RNPEP: variants seen among roughly 807,000 people sequenced by gnomAD.
RNPEP encodes the protein aminopeptidase B.
RNPEP carries 57 observed loss-of-function variants against 70.1 expected under a neutral mutation model. That is an observed-to-expected ratio of 0.81 (90% confidence interval 0.66 to 1.01). The LOEUF is 1.01. Among genes scored for constraint, RNPEP ranks in the 50% least tolerant of loss-of-function variants. RNPEP has a pLI of 0.00. For synonymous variants in RNPEP, 335 were observed against 357.4 expected (o/e 0.94, Z 0.71); for missense variants, 787 against 852.4 (o/e 0.92, Z 0.96).
Position 201,988,897 on chromosome 1 carries a change from C to A in RNPEP, c.448-7C>A, listed in dbSNP as rs567070383. The stretch of plus-strand genomic sequence containing the variant: ...GTCAGTTCTGAAATGTTCTTCTTTT[C>A]GCTTAGGTTTGCTGGTTGGCTCCCG... On this transcript the variant is annotated splice_polypyrimidine_tract_variant and splice_region_variant and intron_variant, in intron 1 of 10. Coordinates refer to ENST00000295640, the MANE Select transcript of RNPEP (RefSeq NM_020216.4). The A allele has an allele frequency of 6.2e-7, 1 of 1,606,126 alleles. No individual in the cohort carries two copies. Among genetic ancestry groups the A allele is most frequent in the South Asian group, 1.1e-5 (1 of 89,918 alleles).
intron 1 of RNPEP, chr1:201,984,009 C>A: frequency 5.9e-6 from 2 of 338,334 alleles, no homozygotes; most frequent in Non-Finnish European, 8.4e-6. Flanking sequence ...CGGCTCACTG[C>A]AACCTCTGCG....
intron 1 of RNPEP, among the ~76,000 whole-genome samples, chr1:201,985,479 ACTC>A (rs1683100652): frequency 6.6e-6 from 1 of 151,294 alleles, no homozygotes; most frequent in East Asian, 1.9e-4. Flanking sequence ...CTGGTCTTGA[ACTC>A]CTGGGTTCAA....
At position 202,005,943 on chromosome 1, in the gene RNPEP, C is replaced by T. The variant is rs1280497719; in HGVS notation, c.*227C>T. 2.0e-5 allele frequency: 11 copies of T among 548,786 alleles called. No individual in the cohort carries two copies. Among genetic ancestry groups the T allele is most frequent in the East Asian group, 2.9e-5 (1 of 34,030 alleles). 34.0% of individuals were successfully genotyped at this position (548,786 alleles called of 1,614,324 possible). A position where few individuals can be genotyped will look rare whatever the true frequency, so the allele number is the denominator to read the frequency against. On this transcript the variant is annotated 3_prime_UTR_variant, in exon 11 of 11. Transcript: ENST00000295640. Reference sequence around the variant, plus strand: ...CAGAGAACCTGCCCACAGCTCTCCCCGCTACAGGCTGCAGGCACTGCAGGG... The same window carrying T: ...CAGAGAACCTGCCCACAGCTCTCCCTGCTACAGGCTGCAGGCACTGCAGGG...
chr1:201,983,057 C>T lies in RNPEP; in HGVS notation c.391C>T (p.Arg131Cys). ...GTGCGTGTCCTTCCCGCAGCCCTGC[C>T]GCGCCGCCGAGCGCCTCCAGGTGCT... The part of the protein sequence containing the change: ...ALCVSFPQPC[R>C]AAERLQVLLT... The change falls in exon 1 of 11, where the codon CGC (arginine) becomes TGC (cysteine). Residue 131 changes from arginine to cysteine, a missense_variant. Transcript: ENST00000295640. 1.3e-6 allele frequency: 2 copies of T among 1,527,894 alleles called. No homozygotes were observed. The highest frequency in any genetic ancestry group is 1.8e-6 in the Non-Finnish European group (2 of 1,142,534). 94.6% of individuals were successfully genotyped at this position (1,527,894 alleles called of 1,614,324 possible).
intron 3 of RNPEP, among the ~76,000 whole-genome samples, chr1:201,995,067 T>C (rs1683496779): frequency 6.6e-6 from 1 of 151,642 alleles, no homozygotes; most frequent in South Asian, 2.1e-4. Context: ...GCAGGATCCC[T>C]GAGTCCATTG....
Position 201,982,828 on chromosome 1 carries a change from A to T in RNPEP, c.162A>T (p.Ala54=). ...AGTTCGGGCCTCCAGGGCCCGGCGC[A>T]GGGAGCCGGGGGCTGAGCGGCACCG... ...RAEFGPPGPG[A]GSRGLSGTAV... Residue 54 remains alanine, a synonymous_variant, in exon 1 of 11, where the codon GCA becomes GCT. Transcript: ENST00000295640. 1 of 1,333,732 alleles carries T rather than the reference A, an allele frequency of 7.5e-7. No individual in the cohort carries two copies. Among genetic ancestry groups the T allele is most frequent in the Non-Finnish European group, 9.6e-7 (1 of 1,042,452 alleles). 82.6% of individuals were successfully genotyped at this position (1,333,732 alleles called of 1,614,324 possible).
chr1:202,005,644 A>G lies in RNPEP; in HGVS notation c.1881A>G (p.Ala627=). ...VAQTLAKETF[A]STASQLHSNV... is the part of the protein sequence containing the mutation. The stretch of plus-strand genomic sequence containing the variant: ...AGACCCTCGCCAAGGAGACTTTTGC[A>G]TCCACCGCCTCCCAGCTCCACAGCA... The change falls in exon 11 of 11, where the codon GCA becomes GCG. Residue 627 remains alanine (A), a synonymous_variant. Transcript: ENST00000295640. The G allele has an allele frequency of 6.2e-7, 1 of 1,614,192 alleles. No individual in the cohort carries two copies. Among genetic ancestry groups the G allele is most frequent in the Non-Finnish European group, 8.5e-7 (1 of 1,180,026 alleles).
rs1682975370 is a variant in RNPEP, at chr1:201,982,658, T to C, written c.-9T>C. 1.5e-6 allele frequency: 2 copies of C among 1,332,466 alleles called. No homozygotes were observed. Among genetic ancestry groups the C allele is most frequent in the Admixed American group, 3.6e-5 (1 of 27,570 alleles). The allele number at this position is 1,332,466 out of a possible 1,614,324, so 82.5% of individuals were successfully genotyped here. Reference sequence around the variant, plus strand: ...CGCGGCCCGGCCGGTGAGCAACGGCTCTGCGGCCATGGCGAGCGGCGAGCA... The same window carrying C: ...CGCGGCCCGGCCGGTGAGCAACGGCCCTGCGGCCATGGCGAGCGGCGAGCA... On this transcript the variant is annotated 5_prime_UTR_variant, in exon 1 of 11. Transcript: ENST00000295640.
At chr1:201,997,844 A>G (rs1448379300) in intron 5 of RNPEP, among the ~76,000 whole-genome samples, 1 of 149,192 alleles carries the variant, frequency 6.7e-6, no homozygotes, top group Admixed American at 6.8e-5. Flanking sequence ...GCTCACTGCA[A>G]CCTCCACCTC....
intron 3 of RNPEP, among the ~76,000 whole-genome samples, chr1:201,992,645 C>G (rs61821530): frequency 0.091 from 13,878 of 152,070 alleles, 770 homozygotes; most frequent in Middle Eastern, 0.17. Context: ...CTCCCTGGCC[C>G]AAGTGTGTGG....
chr1:202,001,764 C>CTCCCGTCTCCCTCTCCCT lies in RNPEP; in HGVS notation c.1423_1424insTCCCGTCTCCCTCTCCCT (p.Pro475delinsLeuProSerProSerProSer). On this transcript the variant is annotated protein_altering_variant, in exon 8 of 11. Coordinates refer to ENST00000295640, the MANE Select transcript of RNPEP (RefSeq NM_020216.4). Reference sequence around the variant, plus strand: ...TAAGAAAAAGAGAGTGGATATCATTCCAGGTAAGCAGAGGAACTGGCCCAC... The same window carrying CTCCCGTCTCCCTCTCCCT: ...TAAGAAAAAGAGAGTGGATATCATTCTCCCGTCTCCCTCTCCCTCAGGTAAGCAGAGGAACTGGCCCAC... The CTCCCGTCTCCCTCTCCCT allele has an allele frequency of 6.4e-7, 1 of 1,568,534 alleles. No individual in the cohort carries two copies. The highest frequency in any genetic ancestry group is 1.7e-5 in the Admixed American group (1 of 59,922).
intron 3 of RNPEP, among the ~76,000 whole-genome samples, chr1:201,991,521 A>C (rs952860221): frequency 1.3e-5 from 2 of 152,214 alleles, no homozygotes; most frequent in African/African-American, 2.4e-5. Flanking sequence ...GGTATATCCC[A>C]GTAGGCCCTT....
intron 3 of RNPEP, among the ~76,000 whole-genome samples, chr1:201,993,520 G>T (rs532661777): frequency 1.3e-5 from 2 of 151,804 alleles, no homozygotes; most frequent in African/African-American, 4.8e-5. Context: ...TCACTTGAAC[G>T]TGGGAGGTGG....
At position 202,001,498 on chromosome 1, in the gene RNPEP, C is replaced by CT; in HGVS notation, c.1317+10_1317+11insT. 1 of 1,584,944 alleles carries CT rather than the reference C, an allele frequency of 6.3e-7. No individual in the cohort carries two copies. Among genetic ancestry groups the CT allele is most frequent in the Non-Finnish European group, 8.7e-7 (1 of 1,153,480 alleles). ...TGACAGTTTTCTCAAGGTATAGTCA[C>CT]ATGAGGGGAGAAGGAAGAGGAGCGG... On this transcript the variant is annotated intron_variant, in intron 7 of 10. Transcript: ENST00000295640.
At position 202,005,751 on chromosome 1, in the gene RNPEP, C is replaced by T. The variant is rs771862557; in HGVS notation, c.*35C>T. ...TGCATGGCCCCTGCCTCTTCAGGCT[C>T]TCCAGGCTTTCAGAATAATTGTTTG... On this transcript the variant is annotated 3_prime_UTR_variant, in exon 11 of 11. Coordinates refer to ENST00000295640, the MANE Select transcript of RNPEP (RefSeq NM_020216.4). The T allele has an allele frequency of 1.2e-6, 2 of 1,607,124 alleles. No homozygotes were observed. Among genetic ancestry groups the T allele is most frequent in the Non-Finnish European group, 1.7e-6 (2 of 1,174,288 alleles).
intron 6 of RNPEP, 179 bp downstream of exon 6, chr1:202,000,194 C>T: frequency 1.8e-6 from 1 of 548,784 alleles, no homozygotes; most frequent in Non-Finnish European, 3.3e-6. Flanking sequence ...CAAGCCATTG[C>T]AGCCAGATAG....
rs534088969 is a variant in RNPEP at position 201,983,539 on chromosome 1, A to G, written c.447+426A>G. On this transcript the variant is annotated intron_variant, in intron 1 of 10. Transcript: ENST00000295640. Reference sequence around the variant, plus strand: ...GAGGTACCTGATTATCAGCCACCTTATCTCTGCTTTATGGTGGCTCTAGAA... The same window carrying G: ...GAGGTACCTGATTATCAGCCACCTTGTCTCTGCTTTATGGTGGCTCTAGAA... 9.6e-4 allele frequency: 1,264 copies of G among 1,316,228 alleles called. 2 individuals are homozygous for G. The highest frequency in any genetic ancestry group is 1.6e-3 in the Admixed American group (69 of 43,854). 81.5% of individuals were successfully genotyped at this position (1,316,228 alleles called of 1,614,324 possible). A position where few individuals can be genotyped will look rare whatever the true frequency, so the allele number is the denominator to read the frequency against.
chr1:201,997,193 G>A (rs1381394833), intron 4 of RNPEP, 126 bp from the exon 5 acceptor site: 21 of 735,820 alleles, frequency 2.9e-5, no homozygotes, highest in East Asian at 7.4e-5. Context: ...CACTGGGCCC[G>A]AAGTCGTACT....
intron 3 of RNPEP, among the ~76,000 whole-genome samples, chr1:201,990,412 C>T (rs1683285263): frequency 6.6e-6 from 1 of 152,204 alleles, no homozygotes; most frequent in Admixed American, 6.5e-5. Flanking sequence ...TGTAAGGTTT[C>T]CTGATAAAAG....
Sources: allele counts gnomAD v4.1 joint callset (sites outside exome capture counted in the v4.1 genomes callset), GRCh38; gene constraint gnomAD v4.1.1; transcripts MANE v1.5; gene names NCBI Gene and HGNC (gene_info 2026-07-23, HGNC 2026-07-21).